The following DGKH variants were observed in gnomAD, a reference collection of about 807,000 sequenced individuals.
DGKH encodes diacylglycerol kinase eta.
Under a neutral mutation model 159.3 loss-of-function variants are expected in DGKH, and 90 were observed. The ratio of observed to expected loss-of-function variants is 0.57; its 90% CI spans 0.48 to 0.67. The LOEUF (loss-of-function observed/expected upper bound fraction) is 0.67, where lower values mean the gene tolerates loss of function less well. Among genes scored for constraint, DGKH ranks in the 30% least tolerant of loss-of-function variants. The pLI is 0.00. For missense variants in DGKH, 1,181 were observed against 1,506.1 expected (o/e 0.78, Z 3.57); for synonymous variants, 536 against 553.8 (o/e 0.97, Z 0.45).
chr13:42,216,177 G>C lies in DGKH; in HGVS notation c.3213+510G>C, dbSNP rs142162545. On this transcript the variant is annotated intron_variant, in intron 26 of 29. Coordinates refer to ENST00000337343, the MANE Select transcript of DGKH (RefSeq NM_178009.5). Reference sequence around the variant, plus strand: ...TCAAGTTTAGGCCAAGTCTGAATCAGACCACAGTCCATGGATCTCAAGCAT... The same window carrying C: ...TCAAGTTTAGGCCAAGTCTGAATCACACCACAGTCCATGGATCTCAAGCAT... Among the ~76,000 whole-genome samples the C allele has an allele frequency of 1.7e-3, 258 of 152,350 alleles. 2 individuals are homozygous for C. The Middle Eastern group carries it at 0.024, about 14-fold the overall frequency.
intron 1 of DGKH, among the ~76,000 whole-genome samples, chr13:42,123,879 C>T (rs1955122204): frequency 6.6e-6 from 1 of 152,076 alleles, no homozygotes; most frequent in African/African-American, 2.4e-5. Context: ...CCAGTGGTTG[C>T]CTGGGGACAG....
At chr13:42,125,745 T>C (rs1420257231) in intron 1 of DGKH, among the ~76,000 whole-genome samples, 1 of 152,230 alleles carries the variant, frequency 6.6e-6, no homozygotes, top group African/African-American at 2.4e-5. Context: ...CAATATATTA[T>C]GTCTTTATGG....
chr13:42,178,222 T>C lies in DGKH; in HGVS notation c.1538+2T>C. 1.3e-6 allele frequency: 2 copies of C among 1,587,606 alleles called. No individual in the cohort carries two copies. The highest frequency in any genetic ancestry group is 1.2e-5 in the South Asian group (1 of 86,574). ...TGCAGTGGTCATATCTTCTGCCAAG[T>C]GAGTTGTGGGTTTTAAGTCTTTAAA... On this transcript the variant is annotated splice_donor_variant, in intron 13 of 29. Coordinates refer to ENST00000337343, the MANE Select transcript of DGKH (RefSeq NM_178009.5). LOFTEE classifies it high-confidence loss of function.
intron 1 of DGKH, among the ~76,000 whole-genome samples, chr13:42,055,175 T>C (rs542630192): frequency 5.9e-5 from 9 of 152,222 alleles, no homozygotes; most frequent in African/African-American, 2.2e-4. Flanking sequence ...TGTTAGAAAA[T>C]GGAAGGTAGT....
At chr13:42,095,156 CTTTTTTTTTTTTTT>C (rs776422302) in intron 1 of DGKH, among the ~76,000 whole-genome samples, 2 of 76,802 alleles carry the variant, frequency 2.6e-5, no homozygotes, top group Non-Finnish European at 4.7e-5. Context: ...ATGTTGACTC[CTTTTTTTTTTTTTT>C]TTTTTTTTTT....
chr13:42,165,284 AG>A, intron 7 of DGKH, 46 bp from the exon 8 acceptor site: 1 of 1,044,834 alleles, frequency 9.6e-7, no homozygotes, highest in Non-Finnish European at 1.4e-6. Context: ...TTATAATGGC[AG>A]AACATTATTT....
chr13:42,187,155 G>C lies in DGKH; in HGVS notation c.1638+7G>C, dbSNP rs1956952432. 1 of 1,611,778 alleles carries C rather than the reference G, an allele frequency of 6.2e-7. No individual in the cohort carries two copies. The highest frequency in any genetic ancestry group is 1.7e-5 in the Admixed American group (1 of 59,986). The stretch of plus-strand genomic sequence containing the variant: ...TGATGCCGTGGCCAGTAAAGTAAGA[G>C]GGGACTCTTCAGGGCATGAGAGTTG... On this transcript the variant is annotated splice_region_variant and intron_variant, in intron 14 of 29. Transcript: ENST00000337343.
chr13:42,190,256 A>G, intron 15 of DGKH, 147 bp from the exon 16 acceptor site: 1 of 874,720 alleles, frequency 1.1e-6, no homozygotes, highest in Non-Finnish European at 1.6e-6. Context: ...TCGGACATCA[A>G]CCCCAAGTTC....
chr13:42,080,614 T>C (rs1390282635), intron 1 of DGKH, among the ~76,000 whole-genome samples: 2 of 152,234 alleles, frequency 1.3e-5, no homozygotes, highest in African/African-American at 2.4e-5. Context: ...AAAAGGCTAC[T>C]AAATATGACA....
intron 29 of DGKH, among the ~76,000 whole-genome samples, chr13:42,228,409 A>G (rs1269788973): frequency 6.6e-6 from 1 of 152,226 alleles, no homozygotes; most frequent in Non-Finnish European, 1.5e-5. Context: ...TTCCTCTCAA[A>G]TTGAAGCCTT....
At position 42,219,712 on chromosome 13, in the gene DGKH, G is replaced by A; in HGVS notation, c.3360G>A (p.Arg1120=). ...DEEPPMDCTK[R]NNRSTVFRIV... is the part of the protein sequence containing the mutation. ...AACCTCCTATGGATTGCACCAAAAGGAACAACAGAAGCACCGTATTTCGAA... is the reference window on the plus strand; with the variant it reads ...AACCTCCTATGGATTGCACCAAAAGAAACAACAGAAGCACCGTATTTCGAA... The change falls in exon 28 of 30, where the codon AGG becomes AGA. Residue 1120 remains arginine, a synonymous_variant. Transcript: ENST00000337343. The A allele has an allele frequency of 6.2e-7, 1 of 1,613,676 alleles. No individual in the cohort carries two copies. Among genetic ancestry groups the A allele is most frequent in the Non-Finnish European group, 8.5e-7 (1 of 1,179,786 alleles).
At chr13:42,148,951 T>C (rs1272466416) in intron 3 of DGKH, among the ~76,000 whole-genome samples, 3 of 145,778 alleles carry the variant, frequency 2.1e-5, no homozygotes, top group African/African-American at 7.6e-5. Context: ...CTTCTTTTTT[T>C]TTTTTTTTTT....
chr13:42,218,042 C>T (rs1000033561), intron 26 of DGKH, among the ~76,000 whole-genome samples: 1 of 152,034 alleles, frequency 6.6e-6, no homozygotes, highest in Non-Finnish European at 1.5e-5. Context: ...CTCAAATCAT[C>T]ATCATCATCA....
At position 42,229,424 on chromosome 13, in the gene DGKH, A is replaced by T; in HGVS notation, c.*236A>T. The stretch of plus-strand genomic sequence containing the variant: ...TTTTTGTGCAAACCTGACATGTTCA[A>T]ATATATTCACAATGGTAATAAGGTA... On this transcript the variant is annotated 3_prime_UTR_variant, in exon 30 of 30. Transcript: ENST00000337343. 1 of 431,686 alleles carries T rather than the reference A, an allele frequency of 2.3e-6. No homozygotes were observed. The highest frequency in any genetic ancestry group is 5.0e-5 in the East Asian group (1 of 19,900). 26.7% of individuals were successfully genotyped at this position (431,686 alleles called of 1,614,324 possible). A position where few individuals can be genotyped will look rare whatever the true frequency, so the allele number is the denominator to read the frequency against.
In DGKH at chr13:42,064,624, G is replaced by C. The variant is rs550818097; in HGVS notation, c.192+15659G>C. 8.3e-4 allele frequency among the ~76,000 whole-genome samples: 126 copies of C among 152,228 alleles called. 1 individual carries two copies. Among genetic ancestry groups the C allele is most frequent in the African/African-American group, 2.9e-3 (120 of 41,524 alleles). ...AAGGAAGAGAAGACTGTTGGCAGAG[G>C]TTAAGTCCAAGAATTAAACTTTAAT... On this transcript the variant is annotated intron_variant, in intron 1 of 29. Coordinates refer to ENST00000337343, the MANE Select transcript of DGKH (RefSeq NM_178009.5).
Position 42,206,158 on chromosome 13 carries a change from G to A in DGKH, c.2601+12G>A, listed in dbSNP as rs1957467613. The stretch of plus-strand genomic sequence containing the variant: ...CTAAAGAGGATGATGTAAGTAATGG[G>A]AGTAAATAGTTTGTTTCCTCAAAAA... On this transcript the variant is annotated intron_variant, in intron 21 of 29. Transcript: ENST00000337343. 1 of 1,375,202 alleles carries A rather than the reference G, an allele frequency of 7.3e-7. No homozygotes were observed. Among genetic ancestry groups the A allele is most frequent in the Non-Finnish European group, 9.5e-7 (1 of 1,048,508 alleles). The allele number at this position is 1,375,202 out of a possible 1,614,324, so 85.2% of individuals were successfully genotyped here.
chr13:42,159,942 A>G (rs191834408), intron 6 of DGKH, 69 bp from the exon 7 acceptor site: 57 of 1,610,212 alleles, frequency 3.5e-5, no homozygotes, highest in South Asian at 3.1e-4. Context: ...AAATGATTCA[A>G]AATCTCCCCT....
At chr13:42,061,296 G>A (rs1882149741) in intron 1 of DGKH, among the ~76,000 whole-genome samples, 1 of 152,180 alleles carries the variant, frequency 6.6e-6, no homozygotes, top group Non-Finnish European at 1.5e-5. Context: ...AGCTGGCAGA[G>A]AAGGGAAGAT....
intron 3 of DGKH, among the ~76,000 whole-genome samples, chr13:42,152,611 T>C (rs1377075093): frequency 1.5e-5 from 2 of 133,034 alleles, no homozygotes; most frequent in African/African-American, 5.0e-5. Context: ...TCATGTCATT[T>C]TCCCATGGAA....
Sources: gnomAD v4.1 joint callset for allele counts (sites outside exome capture counted in the v4.1 genomes callset) on GRCh38, gnomAD v4.1.1 for gene constraint, MANE v1.5 for transcripts, NCBI Gene and HGNC (gene_info 2026-07-23, HGNC 2026-07-21) for gene names.